The following GAR1 variants were observed in gnomAD, a reference collection of about 807,000 sequenced individuals.
GAR1 encodes GAR1 ribonucleoprotein.
A neutral mutation model predicts 29.3 loss-of-function variants in GAR1; 11 were observed. The observed-to-expected ratio is 0.38, with a 90% CI of 0.24 to 0.62. GAR1 has a LOEUF of 0.62. Ranked by LOEUF, GAR1 falls within the 20% of genes least tolerant of loss-of-function variation. The pLI, the probability that GAR1 is intolerant of heterozygous loss-of-function variation, is 0.62. For missense variants in GAR1, 237 were observed against 268.4 expected, an observed-to-expected ratio of 0.88 and a Z score of 0.82; for synonymous variants, 87 against 93.3, an observed-to-expected ratio of 0.93 and a Z score of 0.39.
Position 109,824,475 on chromosome 4 carries a change from C to T in GAR1, c.*44C>T. The T allele has an allele frequency of 7.1e-7, 1 of 1,416,858 alleles. No homozygotes were observed. Among genetic ancestry groups the T allele is most frequent in the Non-Finnish European group, 1.0e-6 (1 of 1,002,520 alleles). The allele number at this position is 1,416,858 out of a possible 1,614,324, so 87.8% of individuals were successfully genotyped here. A position where few individuals can be genotyped will look rare whatever the true frequency, so the allele number is the denominator to read the frequency against. ...ATCACCAGTTGACTTCTGCATTAAC[C>T]TGCATGATCTGTTTCTACTATGGAT... On this transcript the variant is annotated 3_prime_UTR_variant, in exon 7 of 7. Transcript: ENST00000226796.
chr4:109,822,155 T>TAAAAAAAAAAAAAAAA (rs59097048), intron 4 of GAR1, among the ~76,000 whole-genome samples, 192 bp from the exon 5 acceptor site: 2 of 101,640 alleles, frequency 2.0e-5, no homozygotes, highest in Non-Finnish European at 4.0e-5. Context: ...GAACTTAAGG[T>TAAAAAAAAAAAAAAAA]AAAAAAAAAA....
chr4:109,824,315 A>G, intron 6 of GAR1, 103 bp from the exon 7 acceptor site: 1 of 783,660 alleles, frequency 1.3e-6, no homozygotes, highest in Non-Finnish European at 2.2e-6. Context: ...TGTTTGCTAA[A>G]CATTATTGGA....
chr4:109,822,256 C>A, intron 4 of GAR1, 91 bp from the exon 5 acceptor site: 2 of 721,914 alleles, frequency 2.8e-6, no homozygotes, highest in Non-Finnish European at 4.6e-6. Flanking sequence ...GGTTTGAACC[C>A]AGGCAGTTTT....
chr4:109,819,336 T>C (rs1052118577), intron 4 of GAR1: 11 of 411,094 alleles, frequency 2.7e-5, no homozygotes, highest in Middle Eastern at 6.9e-4. Flanking sequence ...AACTCTCTTA[T>C]TGAAAAGCTT....
chr4:109,821,078 C>T (rs797017102), intron 4 of GAR1, among the ~76,000 whole-genome samples: 8 of 152,262 alleles, frequency 5.3e-5, no homozygotes, highest in African/African-American at 1.9e-4. Context: ...GGTTTCCATA[C>T]CCCCTGCTAT....
chr4:109,821,725 A>G (rs981717008), intron 4 of GAR1, among the ~76,000 whole-genome samples: 1 of 152,190 alleles, frequency 6.6e-6, no homozygotes, highest in African/African-American at 2.4e-5. Context: ...CTAAAGAGAA[A>G]TGATATTGAA....
chr4:109,820,078 TGA>T (rs890791423), intron 4 of GAR1, among the ~76,000 whole-genome samples: 2 of 152,100 alleles, frequency 1.3e-5, no homozygotes, highest in African/African-American at 4.8e-5. Flanking sequence ...CAATATTGTG[TGA>T]GAGGGGCCAG....
Position 109,816,010 on chromosome 4 carries a change from G to A in GAR1, c.-12-143G>A, listed in dbSNP as rs530232434. 1.1e-5 allele frequency: 9 copies of A among 790,638 alleles called. No homozygotes were observed. In the South Asian group the frequency reaches 1.4e-4, roughly 12 times the overall value. 49.0% of individuals were successfully genotyped at this position (790,638 alleles called of 1,614,324 possible). On this transcript the variant is annotated intron_variant, in intron 1 of 6. Transcript: ENST00000226796. ...AGTAAACTCTTCACCCATCAGGTTG[G>A]TGGTCACTGGCTGTCTGACCGTGGG...
At chr4:109,820,990 T>C (rs1365218122) in intron 4 of GAR1, among the ~76,000 whole-genome samples, 2 of 151,858 alleles carry the variant, frequency 1.3e-5, no homozygotes, top group Non-Finnish European at 2.9e-5. Context: ...AATTATTTAT[T>C]TGGGGGCTTA....
intron 4 of GAR1, among the ~76,000 whole-genome samples, chr4:109,819,850 A>G (rs966553852): frequency 1.3e-5 from 2 of 152,242 alleles, no homozygotes; most frequent in African/African-American, 4.8e-5. Flanking sequence ...AAAGGCAGAC[A>G]TATAGGTTAG....
Position 109,824,438 on chromosome 4 carries a change from C to T in GAR1, c.*7C>T, listed in dbSNP as rs1733598842. 1 of 1,586,630 alleles carries T rather than the reference C, an allele frequency of 6.3e-7. No individual in the cohort carries two copies. The highest frequency in any genetic ancestry group is 8.7e-7 in the Non-Finnish European group (1 of 1,155,678). On this transcript the variant is annotated 3_prime_UTR_variant, in exon 7 of 7. Transcript: ENST00000226796. ...ATCAGGGAGAGGACATTAAGTGAAA[C>T]AGTTGACAGACATCACCAGTTGACT... is the stretch of plus-strand genomic sequence containing the variant.
chr4:109,822,339 G>A lies in GAR1; in HGVS notation c.430-8G>A. 6.6e-7 allele frequency: 1 copy of A among 1,517,832 alleles called. No individual in the cohort carries two copies. The highest frequency in any genetic ancestry group is 9.0e-7 in the Non-Finnish European group (1 of 1,114,570). The allele number at this position is 1,517,832 out of a possible 1,614,324, so 94.0% of individuals were successfully genotyped here. A position where few individuals can be genotyped will look rare whatever the true frequency, so the allele number is the denominator to read the frequency against. ...GTTGTATACTAATTGCTTCTATTAT[G>A]TTTCCAGTTTTATATAGACCCATAT... On this transcript the variant is annotated splice_polypyrimidine_tract_variant and splice_region_variant and intron_variant, in intron 4 of 6. Coordinates refer to ENST00000226796, the MANE Select transcript of GAR1 (RefSeq NM_018983.4).
intron 5 of GAR1, among the ~76,000 whole-genome samples, chr4:109,823,665 A>G (rs1378232331): frequency 6.6e-6 from 1 of 152,212 alleles, no homozygotes; most frequent in Non-Finnish European, 1.5e-5. Context: ...GGCAATAGTC[A>G]TACATTTAAC....
At chr4:109,818,193 T>C (rs2125888725) in intron 3 of GAR1, 103 bp downstream of exon 3, 1 of 753,076 alleles carries the variant, frequency 1.3e-6, no homozygotes, top group East Asian at 2.5e-5. Context: ...TTCATTAAAT[T>C]AGACAGGATT....
chr4:109,818,307 A>T (rs1733407569), intron 3 of GAR1, among the ~76,000 whole-genome samples: 1 of 152,286 alleles, frequency 6.6e-6, no homozygotes, highest in South Asian at 2.1e-4. Context: ...GGAAAATTCT[A>T]TTAATGATGG....
Position 109,824,446 on chromosome 4 carries a change from A to G in GAR1, c.*15A>G. ...GAGGACATTAAGTGAAACAGTTGAC[A>G]GACATCACCAGTTGACTTCTGCATT... On this transcript the variant is annotated 3_prime_UTR_variant, in exon 7 of 7. Coordinates refer to ENST00000226796, the MANE Select transcript of GAR1 (RefSeq NM_018983.4). 6.3e-7 allele frequency: 1 copy of G among 1,576,736 alleles called. No individual in the cohort carries two copies. Among genetic ancestry groups the G allele is most frequent in the Non-Finnish European group, 8.7e-7 (1 of 1,146,616 alleles).
At chr4:109,822,109 A>G (rs890732449) in intron 4 of GAR1, among the ~76,000 whole-genome samples, 5 of 144,708 alleles carry the variant, frequency 3.5e-5, no homozygotes, top group East Asian at 2.1e-4. Context: ...ATGTGTACCT[A>G]TGTAACAAAC....
chr4:109,817,470 GAAA>G lies in GAR1; in HGVS notation c.215-457_215-455del, dbSNP rs372114372. 3.4e-4 allele frequency among the ~76,000 whole-genome samples: 48 copies of G among 140,348 alleles called. No individual in the cohort carries two copies. In the South Asian group the frequency reaches 0.011, roughly 31 times the overall value. 92.1% of individuals were successfully genotyped at this position (140,348 alleles called of 152,430 possible). On this transcript the variant is annotated intron_variant, in intron 2 of 6. Coordinates refer to ENST00000226796, the MANE Select transcript of GAR1 (RefSeq NM_018983.4). ...GGAATGGAAAAGTTCTAAGGCAAGA[GAAA>G]AAAAAAAAGAATGAAGGCTGATTCT...
rs748927525 is a variant in GAR1 at position 109,823,998 on chromosome 4, G to C, written c.605G>C (p.Gly202Ala). The C allele has an allele frequency of 2.5e-6, 4 of 1,608,102 alleles. No individual in the cohort carries two copies. Among genetic ancestry groups the C allele is most frequent in the East Asian group, 2.2e-5 (1 of 44,710 alleles). The change falls in exon 6 of 7, where the codon GGG becomes GCG. Residue 202 changes from glycine (G) to alanine (A), a missense_variant. Coordinates refer to ENST00000226796, the MANE Select transcript of GAR1 (RefSeq NM_018983.4). ...GFRGGRGGGG[G>A]GFRGGRGGGF... The stretch of plus-strand genomic sequence containing the variant: ...AGAGGTGGAAGAGGAGGTGGAGGTG[G>C]GGGCTTCAGAGGAGGAAGAGGTGGT...
Sources: allele counts gnomAD v4.1 joint callset (sites outside exome capture counted in the v4.1 genomes callset), GRCh38; gene constraint gnomAD v4.1.1; transcripts MANE v1.5; gene names NCBI Gene and HGNC (gene_info 2026-07-23, HGNC 2026-07-21).